The following NPSR1 variants were observed in gnomAD, a reference collection of about 807,000 sequenced individuals.
NPSR1 encodes the protein neuropeptide S receptor.
Under a neutral mutation model 46.9 loss-of-function variants are expected in NPSR1, and 48 were observed. That is an observed-to-expected ratio of 1.02 (90% confidence interval 0.81 to 1.30). NPSR1 has a LOEUF of 1.30. Among genes scored for constraint, NPSR1 ranks in the 50% most tolerant of loss-of-function variants. The probability of loss-of-function intolerance (pLI) is 0.00; values close to 1 mark genes in which losing one functional copy is unlikely to be tolerated. For missense variants in NPSR1, 450 were observed against 449.5 expected, an observed-to-expected ratio of 1.00 and a Z score of -0.01; for synonymous variants, 176 against 168.1, an observed-to-expected ratio of 1.05 and a Z score of -0.36.
chr7:34,790,784 TTATATA>T (rs200555119), intron 3 of NPSR1, among the ~76,000 whole-genome samples: 5 of 127,572 alleles, frequency 3.9e-5, no homozygotes, highest in African/African-American at 1.4e-4. Context: ...ATGTTATATG[TTATATA>T]TATGTTATAG....
intron 3 of NPSR1, among the ~76,000 whole-genome samples, chr7:34,787,646 G>A (rs949297381): frequency 1.9e-4 from 29 of 151,972 alleles, no homozygotes; most frequent in Admixed American, 1.9e-3. Context: ...CCTATCACTT[G>A]AACACCTAAA....
chr7:34,788,990 T>C (rs1007246203), intron 3 of NPSR1, among the ~76,000 whole-genome samples: 6 of 151,942 alleles, frequency 3.9e-5, no homozygotes, highest in Admixed American at 3.9e-4. Context: ...TAATCAATAA[T>C]ATAAGGAATT....
chr7:34,683,340 G>C (rs892386251), intron 1 of NPSR1, among the ~76,000 whole-genome samples: 1 of 151,754 alleles, frequency 6.6e-6, no homozygotes, highest in Non-Finnish European at 1.5e-5. Flanking sequence ...CCAGCTACTT[G>C]GGAGGCTGAG....
chr7:34,701,565 C>G (rs187883785), intron 2 of NPSR1, among the ~76,000 whole-genome samples: 9 of 152,260 alleles, frequency 5.9e-5, no homozygotes, highest in East Asian at 1.9e-4. Context: ...AATGAATATG[C>G]CTTCTCTCTT....
intron 2 of NPSR1, among the ~76,000 whole-genome samples, chr7:34,775,539 G>A (rs1334390428): frequency 6.6e-6 from 1 of 151,936 alleles, no homozygotes; most frequent in Non-Finnish European, 1.5e-5. Flanking sequence ...GTTCAATCTT[G>A]GTACATTGTA....
intron 2 of NPSR1, chr7:34,704,131 G>C (rs961937805): frequency 6.6e-6 from 1 of 152,290 alleles, no homozygotes; most frequent in South Asian, 2.1e-4. Context: ...GGCCAGGAGT[G>C]TTGAGGCGTC....
intron 2 of NPSR1, among the ~76,000 whole-genome samples, 182 bp downstream of exon 2, chr7:34,684,866 G>A (rs983260145): frequency 6.6e-6 from 1 of 152,058 alleles, no homozygotes; most frequent in African/African-American, 2.4e-5. Flanking sequence ...ACATATGAAT[G>A]CCTCTAAGAT....
chr7:34,741,246 A>G (rs1215601857), intron 2 of NPSR1, among the ~76,000 whole-genome samples: 1 of 151,994 alleles, frequency 6.6e-6, no homozygotes, highest in Non-Finnish European at 1.5e-5. Flanking sequence ...TTTGGCCATT[A>G]TTTCTTTAAA....
chr7:34,868,721 G>A (rs915580026), intron 8 of NPSR1, among the ~76,000 whole-genome samples: 13 of 151,648 alleles, frequency 8.6e-5, no homozygotes, highest in Non-Finnish European at 1.6e-4. Flanking sequence ...TTGGTCACTC[G>A]TGTTTGCCCC....
intron 5 of NPSR1, 49 bp downstream of exon 5, chr7:34,827,651 G>GT: frequency 3.3e-6 from 2 of 613,366 alleles, no homozygotes; most frequent in Non-Finnish European, 5.8e-6. Context: ...GGCGGGGGGG[G>GT]CTTTCCTGTT....
rs1446287793 is a variant in NPSR1 at position 34,869,256 on chromosome 7, G to A, written c.1026-8820G>A. Among the ~76,000 whole-genome samples the A allele has an allele frequency of 2.2e-4, 33 of 151,748 alleles. 1 individual carries two copies. The highest frequency in any genetic ancestry group is 1.4e-3 in the Admixed American group (22 of 15,274). Reference sequence around the variant, plus strand: ...AAGCGGAGGCAAAAACCAGGGAAGCGTGGATTAGACAATGAAACGATTCAA... The same window carrying A: ...AAGCGGAGGCAAAAACCAGGGAAGCATGGATTAGACAATGAAACGATTCAA... On this transcript the variant is annotated intron_variant, in intron 8 of 8. Coordinates refer to the NPSR1 transcript ENST00000359791.
intron 7 of NPSR1, among the ~76,000 whole-genome samples, chr7:34,846,148 T>C (rs1414131862): frequency 6.6e-6 from 1 of 152,162 alleles, no homozygotes; most frequent in Non-Finnish European, 1.5e-5. Context: ...GATCAAAGAC[T>C]CCTCTGTCTT....
intron 2 of NPSR1, chr7:34,750,557 A>G: frequency 1.4e-6 from 1 of 697,878 alleles, no homozygotes; most frequent in South Asian, 1.5e-5. Flanking sequence ...AAGCTCCTCA[A>G]TCCCATCCAA....
chr7:34,826,895 A>AG (rs1789879442), intron 4 of NPSR1, among the ~76,000 whole-genome samples: 1 of 151,870 alleles, frequency 6.6e-6, no homozygotes, highest in Non-Finnish European at 1.5e-5. Context: ...ACCAAAAAAA[A>AG]AAAAAAAGAA....
chr7:34,810,614 C>A (rs139323592), intron 3 of NPSR1, among the ~76,000 whole-genome samples: 2 of 152,330 alleles, frequency 1.3e-5, no homozygotes, highest in African/African-American at 4.8e-5. Flanking sequence ...CTTCTATCAT[C>A]TCTTGACTCC....
intron 8 of NPSR1, among the ~76,000 whole-genome samples, chr7:34,859,927 T>C (rs1791147991): frequency 6.6e-6 from 1 of 151,720 alleles, no homozygotes; most frequent in Non-Finnish European, 1.5e-5. Flanking sequence ...TAGGCCTCCT[T>C]TGCTTACATC....
chr7:34,813,110 A>C (rs572935899), intron 4 of NPSR1, among the ~76,000 whole-genome samples: 1 of 152,140 alleles, frequency 6.6e-6, no homozygotes, highest in African/African-American at 2.4e-5. Flanking sequence ...ACACGTGTGC[A>C]TGTATACATA....
intron 3 of NPSR1, among the ~76,000 whole-genome samples, chr7:34,807,882 C>T (rs1049625917): frequency 6.6e-6 from 1 of 151,862 alleles, no homozygotes; most frequent in African/African-American, 2.4e-5. Flanking sequence ...AAAAGCTCCC[C>T]GCCCCTACCC....
At chr7:34,722,831 A>T (rs971079126) in intron 2 of NPSR1, among the ~76,000 whole-genome samples, 1 of 152,136 alleles carries the variant, frequency 6.6e-6, no homozygotes, top group African/African-American at 2.4e-5. Flanking sequence ...GAGCCACTAG[A>T]AGATCAGTCT....
Sources: allele counts gnomAD v4.1 joint callset (sites outside exome capture counted in the v4.1 genomes callset), GRCh38; gene constraint gnomAD v4.1.1; transcripts MANE v1.5; gene names NCBI Gene and HGNC (gene_info 2026-07-23, HGNC 2026-07-21).